The following PDE10A variants were observed in gnomAD, a reference collection of about 807,000 sequenced individuals.
The protein encoded by PDE10A is phosphodiesterase 10A.
Under a neutral mutation model 97.7 loss-of-function variants are expected in PDE10A, and 39 were observed. That is an observed-to-expected ratio of 0.40 (90% CI 0.31 to 0.52). PDE10A has a LOEUF of 0.52. Among genes scored for constraint, PDE10A ranks in the 20% least tolerant of loss-of-function variants. The pLI is 0.56. For synonymous variants in PDE10A, 371 were observed against 376.8 expected (o/e 0.98, Z 0.18); for missense variants, 731 against 1,047.8 (o/e 0.70, Z 4.17).
intron 1 of PDE10A, among the ~76,000 whole-genome samples, chr6:165,641,434 A>G (rs1358786): frequency 0.83 from 126,963 of 152,140 alleles, 53,211 homozygotes; most frequent in East Asian, 0.89. Flanking sequence ...AGAAGGCATC[A>G]CACATGTTTT....
chr6:165,422,779 C>T (rs1015296410), intron 10 of PDE10A, among the ~76,000 whole-genome samples: 4 of 151,826 alleles, frequency 2.6e-5, no homozygotes, highest in African/African-American at 9.7e-5. Flanking sequence ...AAGTGAGGAG[C>T]AAAGAAATCA....
At chr6:165,498,638 T>C (rs1780692733) in intron 2 of PDE10A, among the ~76,000 whole-genome samples, 1 of 151,882 alleles carries the variant, frequency 6.6e-6, no homozygotes, top group Non-Finnish European at 1.5e-5. Flanking sequence ...AGATCTTAAC[T>C]GGAAAGTGTT....
chr6:165,371,836 CT>C (rs1160327993), intron 18 of PDE10A, among the ~76,000 whole-genome samples: 1 of 152,096 alleles, frequency 6.6e-6, no homozygotes, highest in Non-Finnish European at 1.5e-5. Context: ...CAATAAAATA[CT>C]GGCAAACCAA....
chr6:165,693,252 C>A (rs35920271), intron 1 of PDE10A, among the ~76,000 whole-genome samples: 1 of 151,986 alleles, frequency 6.6e-6, no homozygotes, highest in East Asian at 1.9e-4. Flanking sequence ...GCACTGAGGC[C>A]GGGCACGGTG....
At position 165,425,231 on chromosome 6, in the gene PDE10A, A is replaced by T. The variant is rs566587981; in HGVS notation, c.1653+3427T>A. 1.0e-3 allele frequency among the ~76,000 whole-genome samples: 156 copies of T among 152,120 alleles called. 1 individual carries two copies. The highest frequency in any genetic ancestry group is 3.4e-3 in the African/African-American group (143 of 41,542). On this transcript the variant is annotated intron_variant, in intron 10 of 21. Coordinates refer to ENST00000539869, the MANE Select transcript of PDE10A (RefSeq NM_001385079.1). ...CAATACATTCAGTCAACAATTTTTT[A>T]AAAAAAACTGAAAATAAGAAAATGT...
chr6:165,495,481 T>A (rs1442455097), intron 2 of PDE10A, among the ~76,000 whole-genome samples: 2 of 152,170 alleles, frequency 1.3e-5, no homozygotes, highest in Non-Finnish European at 2.9e-5. Flanking sequence ...GGGACTTTTT[T>A]AATATGCAAG....
At chr6:165,429,037 T>C (rs1583267579) in intron 9 of PDE10A, among the ~76,000 whole-genome samples, 2 of 152,212 alleles carry the variant, frequency 1.3e-5, no homozygotes, top group East Asian at 3.9e-4. Context: ...ATCCACCATA[T>C]TTAATATTTT....
At chr6:165,966,985 T>C (rs1362020735) in intron 1 of PDE10A, among the ~76,000 whole-genome samples, 13 of 152,080 alleles carry the variant, frequency 8.5e-5, no homozygotes, top group African/African-American at 2.9e-4. Context: ...TGCTATAAGA[T>C]CCTCTAAATT....
chr6:165,628,291 C>T (rs1306086629), intron 1 of PDE10A, among the ~76,000 whole-genome samples: 1 of 152,080 alleles, frequency 6.6e-6, no homozygotes, highest in Non-Finnish European at 1.5e-5. Flanking sequence ...ATAATCCAGG[C>T]AAAAGGCTTA....
chr6:165,371,814 T>C (rs918209862), intron 18 of PDE10A, among the ~76,000 whole-genome samples: 1 of 152,244 alleles, frequency 6.6e-6, no homozygotes, highest in East Asian at 1.9e-4. Context: ...TGAACATTGA[T>C]GCAAAAATCC....
chr6:165,362,448 T>C (rs2128193775), intron 18 of PDE10A, among the ~76,000 whole-genome samples: 1 of 152,138 alleles, frequency 6.6e-6, no homozygotes, highest in East Asian at 1.9e-4. Context: ...GCCAATAAAG[T>C]AGACAAGTTA....
intron 5 of PDE10A, among the ~76,000 whole-genome samples, chr6:165,447,400 A>C (rs1790933476): frequency 6.6e-6 from 1 of 152,212 alleles, no homozygotes; most frequent in South Asian, 2.1e-4. Context: ...CTCATGGGCC[A>C]CATGTCCACC....
At chr6:165,638,591 A>G (rs956670001) in intron 1 of PDE10A, among the ~76,000 whole-genome samples, 1 of 152,214 alleles carries the variant, frequency 6.6e-6, no homozygotes, top group East Asian at 1.9e-4. Context: ...ATATTGCCAC[A>G]TCACTACACA....
intron 1 of PDE10A, among the ~76,000 whole-genome samples, chr6:165,800,870 CTA>C (rs1778966837): frequency 6.6e-6 from 1 of 152,216 alleles, no homozygotes; most frequent in African/African-American, 2.4e-5. Context: ...GGAGGAGACA[CTA>C]TTGCTCTTAC....
chr6:165,966,547 C>T (rs1052895646), intron 1 of PDE10A, among the ~76,000 whole-genome samples: 1 of 152,210 alleles, frequency 6.6e-6, no homozygotes, highest in Non-Finnish European at 1.5e-5. Context: ...GTGGGAAGCC[C>T]ACTTGCTTTT....
At chr6:165,337,571 A>G (rs1364449750) in intron 20 of PDE10A, among the ~76,000 whole-genome samples, 1 of 152,252 alleles carries the variant, frequency 6.6e-6, no homozygotes, top group Non-Finnish European at 1.5e-5. Flanking sequence ...AAAGATACTA[A>G]TATTAGAAAT....
At chr6:165,827,659 G>A (rs1779799857) in intron 1 of PDE10A, among the ~76,000 whole-genome samples, 1 of 152,146 alleles carries the variant, frequency 6.6e-6, no homozygotes, top group Non-Finnish European at 1.5e-5. Context: ...TCTTTCTAAT[G>A]CATTTTTTAT....
rs190987873 is a variant in PDE10A, at chr6:165,407,486, T to A, written c.2076+6015A>T. Among the ~76,000 whole-genome samples, 34 of 152,366 alleles carry A rather than the reference T, an allele frequency of 2.2e-4. 1 individual carries two copies. The highest frequency in any genetic ancestry group is 2.1e-3 in the Admixed American group (32 of 15,306). On this transcript the variant is annotated intron_variant, in intron 13 of 21. Coordinates refer to ENST00000539869, the MANE Select transcript of PDE10A (RefSeq NM_001385079.1). Reference sequence around the variant, plus strand: ...TATGTAAAGTGTCTAGAACAATTCCTGTCACACAATAAAGCCTTATATCAA... The same window carrying A: ...TATGTAAAGTGTCTAGAACAATTCCAGTCACACAATAAAGCCTTATATCAA...
intron 3 of PDE10A, among the ~76,000 whole-genome samples, chr6:165,463,527 C>A (rs1489777729): frequency 2.0e-5 from 3 of 152,192 alleles, no homozygotes; most frequent in Admixed American, 6.5e-5. Flanking sequence ...TTTGTAATTT[C>A]AATGATGATT....
Sources: allele counts gnomAD v4.1 joint callset (sites outside exome capture counted in the v4.1 genomes callset), GRCh38; gene constraint gnomAD v4.1.1; transcripts MANE v1.5; gene names NCBI Gene and HGNC (gene_info 2026-07-23, HGNC 2026-07-21).